The following MMP3 variants were observed in gnomAD, a reference collection of about 807,000 sequenced individuals.
MMP3 encodes matrix metallopeptidase 3.
MMP3 carries 46 observed loss-of-function variants against 47.3 expected under a neutral mutation model. The ratio of observed to expected loss-of-function variants is 0.97; its 90% CI spans 0.77 to 1.24. MMP3 has a LOEUF of 1.24. Ranked by LOEUF, MMP3 falls within the 50% of genes most tolerant of loss-of-function variation. MMP3 has a pLI of 0.00. For missense variants in MMP3, 558 were observed against 565.5 expected, an observed-to-expected ratio of 0.99 and a Z score of 0.13; for synonymous variants, 216 against 206.5, an observed-to-expected ratio of 1.05 and a Z score of -0.39.
Position 102,836,374 on chromosome 11 carries a change from T to C in MMP3, c.1334-148A>G, listed in dbSNP as rs548176097. 5.0e-5 allele frequency: 35 copies of C among 695,424 alleles called. No individual in the cohort carries two copies. In the African/African-American group the frequency reaches 5.7e-4, roughly 11 times the overall value. The allele number at this position is 695,424 out of a possible 1,614,324, so 43.1% of individuals were successfully genotyped here. On this transcript the variant is annotated intron_variant, in intron 9 of 9. Coordinates refer to ENST00000299855, the MANE Select transcript of MMP3 (RefSeq NM_002422.5). The surrounding 1 kb of genome is among the most constrained non-coding windows in gnomAD (Gnocchi z 4.6). ...CAGGGACTATGCCAAGCTTGTTACA[T>C]GAATTTATTTTCATTTATTTCTGCA...
chr11:102,835,880 GC>G lies in MMP3; in HGVS notation c.*245del, dbSNP rs1386893007. 2 of 441,688 alleles carry G rather than the reference GC, an allele frequency of 4.5e-6. No individual in the cohort carries two copies. Among genetic ancestry groups the G allele is most frequent in the Non-Finnish European group, 8.1e-6 (2 of 246,636 alleles). The allele number at this position is 441,688 out of a possible 1,614,324, so 27.4% of individuals were successfully genotyped here. A position where few individuals can be genotyped will look rare whatever the true frequency, so the allele number is the denominator to read the frequency against. ...AGTCACTTGTCTGTTGCACACGAGT[GC>G]TTCCCCTTCTCTTGGGAAAGATCAC... On this transcript the variant is annotated 3_prime_UTR_variant, in exon 10 of 10. Coordinates refer to ENST00000299855, the MANE Select transcript of MMP3 (RefSeq NM_002422.5).
rs1859008305 is a variant in MMP3, at chr11:102,842,151, A to G, written c.625+3T>C. The G allele has an allele frequency of 1.3e-6, 2 of 1,575,190 alleles. No homozygotes were observed. The highest frequency in any genetic ancestry group is 1.7e-6 in the Non-Finnish European group (2 of 1,163,286). On this transcript the variant is annotated splice_donor_region_variant and intron_variant, in intron 4 of 9. Transcript: ENST00000299855. ...AAATCATTCTGAGAGATGTGTAACT[A>G]ACCTGTTGTATCCTTTGTCCATTGT...
chr11:102,839,304 T>C, intron 6 of MMP3, 61 bp from the exon 7 acceptor site: 1 of 1,598,028 alleles, frequency 6.3e-7, no homozygotes, highest in Non-Finnish European at 8.6e-7. Context: ...TAGAATATTT[T>C]CCTCACCGTC....
In MMP3 at chr11:102,843,590, T is replaced by C. The variant is rs1859051359; in HGVS notation, c.-44A>G. On this transcript the variant is annotated 5_prime_UTR_variant, in exon 1 of 10. Transcript: ENST00000299855. ...GCTCTATGTTGTCTCTATGCCTTGC[T>C]GTCTTGCCTGCCTCCTTGTAGGTCC... 1 of 1,510,130 alleles carries C rather than the reference T, an allele frequency of 6.6e-7. No individual in the cohort carries two copies. Among genetic ancestry groups the C allele is most frequent in the Non-Finnish European group, 9.1e-7 (1 of 1,095,342 alleles). 93.5% of individuals were successfully genotyped at this position (1,510,130 alleles called of 1,614,324 possible).
Position 102,837,438 on chromosome 11 carries a change from G to C in MMP3, c.1230-37C>G. 3 of 1,456,680 alleles carry C rather than the reference G, an allele frequency of 2.1e-6. No individual in the cohort carries two copies. Among genetic ancestry groups the C allele is most frequent in the Non-Finnish European group, 2.9e-6 (3 of 1,042,392 alleles). 90.2% of individuals were successfully genotyped at this position (1,456,680 alleles called of 1,614,324 possible). The stretch of plus-strand genomic sequence containing the variant: ...AAAAGAAACAGCTCAGCATTGCATA[G>C]AGGCCATGTTACCGAACATCTTAGA... On this transcript the variant is annotated intron_variant, in intron 8 of 9. Coordinates refer to ENST00000299855, the MANE Select transcript of MMP3 (RefSeq NM_002422.5). The surrounding 1 kb of genome is among the most constrained non-coding windows in gnomAD (Gnocchi z 4.4).
Position 102,842,411 on chromosome 11 carries a change from T to TC in MMP3, c.499+19_499+20insG. The TC allele has an allele frequency of 7.3e-7, 1 of 1,378,150 alleles. No homozygotes were observed. The highest frequency in any genetic ancestry group is 9.5e-7 in the Non-Finnish European group (1 of 1,052,736). 85.4% of individuals were successfully genotyped at this position (1,378,150 alleles called of 1,614,324 possible). ...TTGTTTTGTTTTGTTTTGCTTTTTT[T>TC]TTTTTTTTTTTTTTTTTACCTCTAA... On this transcript the variant is annotated intron_variant, in intron 3 of 9. Coordinates refer to ENST00000299855, the MANE Select transcript of MMP3 (RefSeq NM_002422.5).
intron 1 of MMP3, 147 bp from the exon 2 acceptor site, chr11:102,843,063 A>G: frequency 2.8e-6 from 2 of 722,346 alleles, no homozygotes; most frequent in Non-Finnish European, 4.4e-6. Flanking sequence ...TTATAATATG[A>G]TACTAGCAAC....
Position 102,842,223 on chromosome 11 carries a change from C to T in MMP3, c.556G>A (p.Ala186Thr). ...TCTCCATTAATCCCTGGCCCAGGGGCATAGGCATGGGCCAAAACATTTCCA... is the reference window on the plus strand; with the variant it reads ...TCTCCATTAATCCCTGGCCCAGGGGTATAGGCATGGGCCAAAACATTTCCA... ...GPGNVLAHAY[A>T]PGPGINGDAH... Residue 186 changes from alanine to threonine, a missense_variant, in exon 4 of 10, where the codon GCC (alanine) becomes ACC (threonine). By Grantham distance (58) the Ala-to-Thr change is moderately conservative. Transcript: ENST00000299855. The T allele has an allele frequency of 6.2e-7, 1 of 1,612,584 alleles. No homozygotes were observed.
chr11:102,841,665 C>T (rs1411335384), intron 4 of MMP3, among the ~76,000 whole-genome samples: 1 of 148,246 alleles, frequency 6.7e-6, no homozygotes, highest in Non-Finnish European at 1.5e-5. Context: ...AGAACAAGCC[C>T]ATAAAAATTC....
chr11:102,842,404 C>CTTGTTTTTT, intron 3 of MMP3, 27 bp downstream of exon 3: 1 of 810,714 alleles, frequency 1.2e-6, no homozygotes. Flanking sequence ...TTTTGTTTTG[C>CTTGTTTTTT]TTTTTTTTTT....
At position 102,836,723 on chromosome 11, in the gene MMP3, G is replaced by C. The variant is rs1399264937; in HGVS notation, c.1334-497C>G. ...GGACCCTTTAGTGCTCTGCAAACAT[G>C]GTGATCAGGTTACCTTTCAATAAAG... is the stretch of plus-strand genomic sequence containing the variant. On this transcript the variant is annotated intron_variant, in intron 9 of 9. Transcript: ENST00000299855. The surrounding 1 kb of genome is among the most constrained non-coding windows in gnomAD (Gnocchi z 4.6). 1 of 321,252 alleles carries C rather than the reference G, an allele frequency of 3.1e-6. No homozygotes were observed. The highest frequency in any genetic ancestry group is 4.2e-5 in the Admixed American group (1 of 23,650). 19.9% of individuals were successfully genotyped at this position (321,252 alleles called of 1,614,324 possible).
Position 102,837,153 on chromosome 11 carries a change from G to A in MMP3, c.1333+145C>T. The A allele has an allele frequency of 1.6e-6, 1 of 621,648 alleles. No homozygotes were observed. The highest frequency in any genetic ancestry group is 2.9e-6 in the Non-Finnish European group (1 of 350,494). The allele number at this position is 621,648 out of a possible 1,614,324, so 38.5% of individuals were successfully genotyped here. On this transcript the variant is annotated intron_variant, in intron 9 of 9. Transcript: ENST00000299855. This position sits in a 1 kb window ranked among gnomAD's most constrained non-coding sequence, Gnocchi z 4.4. ...ATTTTGTGAAGTAGTTCTATAATGAGTACAAATGTAGGCGAATCAAAATTT... is the reference window on the plus strand; with the variant it reads ...ATTTTGTGAAGTAGTTCTATAATGAATACAAATGTAGGCGAATCAAAATTT...
chr11:102,838,605 A>C lies in MMP3; in HGVS notation c.1175T>G (p.Ile392Ser), dbSNP rs782671460. 2 of 1,613,528 alleles carry C rather than the reference A, an allele frequency of 1.2e-6. No individual in the cohort carries two copies. Among genetic ancestry groups the C allele is most frequent in the African/African-American group, 1.3e-5 (1 of 74,908 alleles). ...PPTVRKIDAA[I>S]SDKEKNKTYF... ...TGTTTTGTTCTTTTCCTTATCAGAA[A>C]TGGCTGCATCGATTTTCCTCACGGT... Residue 392 changes from isoleucine (I) to serine (S), a missense_variant, in exon 8 of 10, where the codon ATT becomes AGT. Physicochemically the swap from Ile to Ser is moderately radical, Grantham distance 142 (BLOSUM62 -2). Coordinates refer to ENST00000299855, the MANE Select transcript of MMP3 (RefSeq NM_002422.5).
intron 2 of MMP3, 45 bp from the exon 3 acceptor site, chr11:102,842,624 T>C: frequency 1.9e-6 from 3 of 1,613,444 alleles, no homozygotes; most frequent in Non-Finnish European, 1.7e-6. Flanking sequence ...TCCTATGATA[T>C]AGTTTATAAA....
At chr11:102,843,036 T>A in intron 1 of MMP3, 120 bp from the exon 2 acceptor site, 1 of 909,216 alleles carries the variant, frequency 1.1e-6, no homozygotes, top group Non-Finnish European at 1.6e-6. Flanking sequence ...TCTAGCTTGC[T>A]GAAATAATGG....
In MMP3 at chr11:102,836,208, GT is replaced by G. The variant is rs1858878602; in HGVS notation, c.1351del (p.Thr451LeufsTer15). On this transcript the variant is annotated frameshift_variant, in exon 10 of 10. Coordinates refer to ENST00000299855, the MANE Select transcript of MMP3 (RefSeq NM_002422.5). LOFTEE classifies it high-confidence loss of function. The surrounding 1 kb of genome is among the most constrained non-coding windows in gnomAD (Gnocchi z 4.6). ...FEEFGFFYFFTGSSQLEFDPN... is the reference protein window; with the variant it reads ...FEEFGFFYFFXGSSQLEFDPN... ...GTCAAACTCCAACTGTGAAGATCCA[GT>G]AAAGAAATAAAAGAACCCTGCAAAT... 6.2e-7 allele frequency: 1 copy of G among 1,613,258 alleles called. No homozygotes were observed. The highest frequency in any genetic ancestry group is 1.7e-5 in the Admixed American group (1 of 59,958).
At position 102,842,755 on chromosome 11, in the gene MMP3, C is replaced by T. The variant is rs782332165; in HGVS notation, c.267G>A (p.Lys89=). 2.5e-6 allele frequency: 4 copies of T among 1,613,966 alleles called. No individual in the cohort carries two copies. The Admixed American group carries it at 6.7e-5, about 27-fold the overall frequency. ...LDSDTLEVMR[K]PRCGVPDVGH... ...CAACATCAGGAACTCCACACCTGGG[C>T]TTGCGCATCACCTCCAGAGTGTCGG... The change falls in exon 2 of 10, where the codon AAG becomes AAA. Residue 89 remains lysine, a synonymous_variant. Coordinates refer to ENST00000299855, the MANE Select transcript of MMP3 (RefSeq NM_002422.5).
chr11:102,842,403 G>GCTTTTTT (rs1555005637), intron 3 of MMP3, 28 bp downstream of exon 3: 1 of 916,606 alleles, frequency 1.1e-6, no homozygotes, highest in Non-Finnish European at 1.3e-6. Context: ...GTTTTGTTTT[G>GCTTTTTT]CTTTTTTTTT....
At position 102,837,630 on chromosome 11, in the gene MMP3, T is replaced by C. The variant is rs1025682582; in HGVS notation, c.1230-229A>G. Among the ~76,000 whole-genome samples the C allele has an allele frequency of 2.0e-5, 3 of 152,298 alleles. No homozygotes were observed. In the South Asian group the frequency reaches 6.2e-4, roughly 32 times the overall value. On this transcript the variant is annotated intron_variant, in intron 8 of 9. Coordinates refer to ENST00000299855, the MANE Select transcript of MMP3 (RefSeq NM_002422.5). This position sits in a 1 kb window ranked among gnomAD's most constrained non-coding sequence, Gnocchi z 4.4. ...GCCGCATCCTGCTGTATGTAGCACATGCTGTTTGTCATCATATTTCTTAAG... is the reference window on the plus strand; with the variant it reads ...GCCGCATCCTGCTGTATGTAGCACACGCTGTTTGTCATCATATTTCTTAAG...
Sources: gnomAD v4.1 joint callset for allele counts (sites outside exome capture counted in the v4.1 genomes callset) on GRCh38, gnomAD v4.1.1 for gene constraint, Gnocchi (gnomAD v3.1) non-coding constraint, MANE v1.5 for transcripts, NCBI Gene and HGNC (gene_info 2026-07-23, HGNC 2026-07-21) for gene names.